The following RACGAP1 variants were observed in gnomAD, a reference collection of about 807,000 sequenced individuals.
The protein encoded by RACGAP1 is rac GTPase-activating protein 1.
RACGAP1 carries 30 observed loss-of-function variants against 78.1 expected under a neutral mutation model. That is an observed-to-expected ratio of 0.38 (90% CI 0.29 to 0.52). The LOEUF (loss-of-function observed/expected upper bound fraction) is 0.52. Ranked by LOEUF, RACGAP1 falls within the 20% of genes least tolerant of loss-of-function variation. The probability of loss-of-function intolerance (pLI) is 0.82; values close to 1 mark genes in which losing one functional copy is unlikely to be tolerated. For synonymous variants in RACGAP1, 231 were observed against 264.8 expected (o/e 0.87, Z 1.24); for missense variants, 587 against 777.1 (o/e 0.76, Z 2.91).
At chr12:50,023,561 G>GT (rs1950118101) in intron 1 of RACGAP1, among the ~76,000 whole-genome samples, 1 of 151,722 alleles carries the variant, frequency 6.6e-6, no homozygotes, top group African/African-American at 2.4e-5. Flanking sequence ...TGGTGAAACC[G>GT]TATCTCTATT....
In RACGAP1 at chr12:49,992,654, T is replaced by C. The variant is rs1338828647; in HGVS notation, c.1341A>G (p.Glu447=). The C allele has an allele frequency of 3.7e-6, 6 of 1,607,992 alleles. No individual in the cohort carries two copies. In the Admixed American group the frequency reaches 1.0e-4, roughly 28 times the overall value. The change falls in exon 13 of 17, where the codon GAA becomes GAG. Residue 447 remains glutamate, a splice_region_variant and synonymous_variant. Coordinates refer to ENST00000312377, the MANE Select transcript of RACGAP1 (RefSeq NM_001319999.2). ...RLNRAFMEAA[E]ITDEDNSIAA... The stretch of plus-strand genomic sequence containing the variant: ...CTATGCTGTTGTCTTCATCTGTGAT[T>C]TCTGTAATTGAAAAGAAAGCACCAA...
chr12:50,006,304 T>G, intron 3 of RACGAP1, 130 bp downstream of exon 3: 1 of 968,670 alleles, frequency 1.0e-6, no homozygotes, highest in South Asian at 1.5e-5. Flanking sequence ...GGCAAGCTGT[T>G]AAAGAACAGG....
intron 2 of RACGAP1, among the ~76,000 whole-genome samples, chr12:50,008,747 C>T (rs371662787): frequency 2.0e-5 from 3 of 152,058 alleles, no homozygotes; most frequent in African/African-American, 7.2e-5. Flanking sequence ...CCTGCCTCAG[C>T]CTCCCAAAGT....
At chr12:49,996,447 G>A (rs752374847) in intron 10 of RACGAP1, among the ~76,000 whole-genome samples, 1 of 151,486 alleles carries the variant, frequency 6.6e-6, no homozygotes, top group Non-Finnish European at 1.5e-5. Context: ...TGGCCAACAT[G>A]ATGAAACCCC....
At chr12:50,021,236 A>T (rs1949989163) in intron 1 of RACGAP1, 4 of 504,230 alleles carry the variant, frequency 7.9e-6, no homozygotes, top group South Asian at 8.6e-5. Context: ...TTGCAGCTGT[A>T]AAACAGCTGT....
At chr12:49,997,299 G>A (rs1440658990) in intron 9 of RACGAP1, 95 bp from the exon 10 acceptor site, 22 of 1,341,564 alleles carry the variant, frequency 1.6e-5, no homozygotes, top group South Asian at 1.2e-4. Flanking sequence ...TTTTGAGACC[G>A]AATCTCACTC....
Position 49,997,208 on chromosome 12 carries a change from G to A in RACGAP1, c.880-4C>T. The stretch of plus-strand genomic sequence containing the variant: ...CACAGGATTCAGGTTTAATAACCTG[G>A]GATAAAACAGGGCAGAAGGAACAGA... On this transcript the variant is annotated splice_region_variant and splice_polypyrimidine_tract_variant and intron_variant, in intron 9 of 16. Transcript: ENST00000312377. 6.4e-7 allele frequency: 1 copy of A among 1,571,482 alleles called. No homozygotes were observed. Among genetic ancestry groups the A allele is most frequent in the Non-Finnish European group, 8.7e-7 (1 of 1,150,618 alleles).
rs1196792942 is a variant in RACGAP1 at position 49,999,721 on chromosome 12, T to C, written c.643A>G (p.Ile215Val). The stretch of plus-strand genomic sequence containing the variant: ...ACAGTCACTGTAGTTTTTGCAACTA[T>C]GGATTCATTCCCCTGCAACAAAAGT... Reference protein sequence around the residue: ...GSAVDQGNESIVAKTTVTVPN... With the variant: ...GSAVDQGNESVVAKTTVTVPN... Residue 215 changes from isoleucine to valine, a missense_variant, in exon 8 of 17, where the codon ATA becomes GTA. Physicochemically the swap from Ile to Val is conservative, Grantham distance 29 (BLOSUM62 3). Transcript: ENST00000312377. 1.9e-6 allele frequency: 3 copies of C among 1,613,030 alleles called. No homozygotes were observed. Among genetic ancestry groups the C allele is most frequent in the Non-Finnish European group, 2.5e-6 (3 of 1,178,970 alleles).
intron 1 of RACGAP1, chr12:50,025,182 C>T (rs1051461197): frequency 9.5e-6 from 5 of 523,844 alleles, no homozygotes; most frequent in African/African-American, 2.1e-5. Context: ...AACCCGGCGC[C>T]AAGACAGAAG....
chr12:50,005,388 C>T lies in RACGAP1; in HGVS notation c.293G>A (p.Arg98Gln), dbSNP rs773935501. Residue 98 changes from arginine (R) to glutamine (Q), a missense_variant, in exon 4 of 17, where the codon CGA (arginine) becomes CAA (glutamine). Arg to Gln is a conservative substitution (Grantham distance 43). Transcript: ENST00000312377. ...RAEADCEKLE[R>Q]QIQLIREMLM... ...CATCTCTCGAATCAGCTGAATCTGT[C>T]GTTCCTACAGACCAAAGCAAAGTAA... The T allele has an allele frequency of 3.7e-6, 6 of 1,613,876 alleles. No homozygotes were observed. The highest frequency in any genetic ancestry group is 2.7e-5 in the African/African-American group (2 of 74,928).
chr12:49,997,319 G>C, intron 9 of RACGAP1, 115 bp from the exon 10 acceptor site: 1 of 1,344,990 alleles, frequency 7.4e-7, no homozygotes, highest in South Asian at 1.8e-5. Context: ...CTCTCGCCTG[G>C]GCTGGAGTGC....
chr12:50,015,662 C>T (rs937894994), intron 2 of RACGAP1, among the ~76,000 whole-genome samples: 7 of 151,910 alleles, frequency 4.6e-5, no homozygotes, highest in Middle Eastern at 6.8e-3. Context: ...ATTAGCCGGA[C>T]GTGGTGGCGG....
intron 8 of RACGAP1, 119 bp from the exon 9 acceptor site, chr12:49,999,390 T>C (rs1328670337): frequency 1.5e-6 from 2 of 1,298,638 alleles, no homozygotes; most frequent in Non-Finnish European, 2.1e-6. Context: ...AAGTGAGAAC[T>C]AATGGCTATG....
At chr12:50,005,167 G>A in intron 4 of RACGAP1, 89 bp downstream of exon 4, 1 of 1,564,652 alleles carries the variant, frequency 6.4e-7, no homozygotes, top group South Asian at 1.2e-5. Context: ...ACACATTCTA[G>A]AAGAAGTATA....
chr12:49,994,980 G>A (rs1211520476), intron 10 of RACGAP1, among the ~76,000 whole-genome samples: 1 of 152,058 alleles, frequency 6.6e-6, no homozygotes, highest in East Asian at 1.9e-4. Flanking sequence ...TATCTTATCA[G>A]TTGATTATGA....
intron 4 of RACGAP1, among the ~76,000 whole-genome samples, 170 bp from the exon 5 acceptor site, chr12:50,004,474 G>T (rs1176092811): frequency 2.6e-5 from 4 of 152,208 alleles, no homozygotes; most frequent in Non-Finnish European, 5.9e-5. Context: ...ACTTTGTATG[G>T]TTTCCACGGA....
chr12:50,024,882 G>T (rs1441059436), intron 1 of RACGAP1, among the ~76,000 whole-genome samples: 1 of 151,932 alleles, frequency 6.6e-6, no homozygotes, highest in East Asian at 1.9e-4. Flanking sequence ...AGAAATGTAC[G>T]TGAAAGTGTA....
chr12:50,026,250 C>A (rs1950263460), upstream of RACGAP1, among the ~76,000 whole-genome samples: 1 of 151,810 alleles, frequency 6.6e-6, no homozygotes, highest in African/African-American at 2.4e-5. Flanking sequence ...TACTCAACAA[C>A]GCATGGCTAC....
chr12:50,022,716 T>C (rs1950077127), intron 1 of RACGAP1, among the ~76,000 whole-genome samples: 4 of 152,252 alleles, frequency 2.6e-5, no homozygotes, highest in Admixed American at 6.5e-5. Context: ...GTTACAATCA[T>C]ACATTACATA....
Sources: allele counts gnomAD v4.1 joint callset (sites outside exome capture counted in the v4.1 genomes callset), GRCh38; gene constraint gnomAD v4.1.1; transcripts MANE v1.5; gene names NCBI Gene and HGNC (gene_info 2026-07-23, HGNC 2026-07-21).